GLI3: variants seen among roughly 807,000 people sequenced by gnomAD.
The protein encoded by GLI3 is transcription activator GLI3.
GLI3 carries 20 observed loss-of-function variants against 100.8 expected under a neutral mutation model. The ratio of observed to expected loss-of-function variants is 0.20; its 90% CI spans 0.14 to 0.29. The LOEUF (loss-of-function observed/expected upper bound fraction) is 0.29, where lower values mean the gene tolerates loss of function less well. GLI3 is among the 10% of genes least tolerant of loss of function. GLI3 has a pLI of 1.00. For missense variants in GLI3, 2,040 were observed against 2,128.5 expected, an observed-to-expected ratio of 0.96 and a Z score of 0.82; for synonymous variants, 938 against 860.5, an observed-to-expected ratio of 1.09 and a Z score of -1.58.
chr7:42,172,595 G>C (rs41308335), intron 2 of GLI3: 1 of 703,034 alleles, frequency 1.4e-6, no homozygotes, highest in Admixed American at 2.0e-5. Context: ...GAGGATCTGT[G>C]GCTGAGTCGT....
intron 3 of GLI3, among the ~76,000 whole-genome samples, chr7:42,120,777 T>C (rs955733424): frequency 1.3e-5 from 2 of 152,242 alleles, no homozygotes; most frequent in Non-Finnish European, 2.9e-5. Context: ...TGTTCTGATT[T>C]AATCTTGTAA....
At chr7:41,984,466 C>T (rs920222482) in intron 10 of GLI3, among the ~76,000 whole-genome samples, 4 of 152,176 alleles carry the variant, frequency 2.6e-5, no homozygotes, top group African/African-American at 9.7e-5. Context: ...GTCCTCCCTT[C>T]TAAGTGACTT....
intron 2 of GLI3, among the ~76,000 whole-genome samples, chr7:42,162,287 G>A (rs190688841): frequency 1.1e-3 from 167 of 152,242 alleles, no homozygotes; most frequent in Non-Finnish European, 2.1e-3. Flanking sequence ...AAGAGGCTGC[G>A]ATCTCAACCC....
At chr7:42,137,655 C>T (rs571296118) in intron 3 of GLI3, among the ~76,000 whole-genome samples, 7 of 152,202 alleles carry the variant, frequency 4.6e-5, no homozygotes, top group Admixed American at 6.5e-5. Context: ...CTCAGAGCAC[C>T]ACCAGCTATA....
intron 2 of GLI3, among the ~76,000 whole-genome samples, chr7:42,174,052 T>C (rs747144816): frequency 2.6e-5 from 4 of 151,984 alleles, no homozygotes; most frequent in Admixed American, 6.6e-5. Flanking sequence ...TTTGATTTTC[T>C]AAAAAAAATT....
At chr7:42,023,197 C>T (rs1048137398) in intron 10 of GLI3, among the ~76,000 whole-genome samples, 1 of 152,188 alleles carries the variant, frequency 6.6e-6, no homozygotes, top group African/African-American at 2.4e-5. Context: ...ATCAAAGTCG[C>T]TAACTCAAAA....
At chr7:42,221,541 C>T (rs1268060103) in intron 2 of GLI3, among the ~76,000 whole-genome samples, 1 of 152,058 alleles carries the variant, frequency 6.6e-6, no homozygotes, top group Non-Finnish European at 1.5e-5. Context: ...TATCCTCACA[C>T]ACTCACACTC....
At position 42,234,004 on chromosome 7, in the gene GLI3, T is replaced by C. The variant is rs563361439; in HGVS notation, c.-43+2967A>G. Among the ~76,000 whole-genome samples, 6 of 152,304 alleles carry C rather than the reference T, an allele frequency of 3.9e-5. No individual in the cohort carries two copies. In the East Asian group the frequency reaches 9.6e-4, roughly 24 times the overall value. On this transcript the variant is annotated intron_variant, in intron 1 of 14. Coordinates refer to ENST00000395925, the MANE Select transcript of GLI3 (RefSeq NM_000168.6). ...AATCAGACCGACCTCAGAATATGAA[T>C]GCCAGCAAAACTAAAACCTCCTTCA...
intron 3 of GLI3, among the ~76,000 whole-genome samples, chr7:42,083,774 G>A (rs1785045689): frequency 6.6e-6 from 1 of 152,124 alleles, no homozygotes; most frequent in Non-Finnish European, 1.5e-5. Flanking sequence ...TTGTGTGACT[G>A]ACTTAATATA....
intron 3 of GLI3, among the ~76,000 whole-genome samples, chr7:42,084,938 G>GT (rs1785072472): frequency 1.1e-5 from 1 of 88,754 alleles, no homozygotes; most frequent in Admixed American, 1.8e-4. Context: ...TTTAGATTGA[G>GT]TCTCACTCTA....
intron 4 of GLI3, among the ~76,000 whole-genome samples, chr7:42,072,272 G>T (rs1368550021): frequency 1.3e-5 from 2 of 152,140 alleles, no homozygotes. Flanking sequence ...AAGACAGTTC[G>T]AAATTCAATT....
At chr7:42,182,344 T>A (rs1462213161) in intron 2 of GLI3, among the ~76,000 whole-genome samples, 1 of 152,026 alleles carries the variant, frequency 6.6e-6, no homozygotes, top group East Asian at 1.9e-4. Context: ...AAAATGGAAA[T>A]GAAAATGTAA....
rs3057240 is a variant in GLI3, at chr7:42,101,668, T to TTTTATTTATTTA, written c.368-24823_368-24812dup. On this transcript the variant is annotated intron_variant, in intron 3 of 14. Coordinates refer to ENST00000395925, the MANE Select transcript of GLI3 (RefSeq NM_000168.6). ...TGCTGAATTTCGTTTGCTAGTATCT[T>TTTTATTTATTTA]TTTATTTATTTATTTATTTATTTTA... Among the ~76,000 whole-genome samples, 776 of 148,050 alleles carry TTTTATTTATTTA rather than the reference T, an allele frequency of 5.2e-3. 4 individuals are homozygous for TTTTATTTATTTA. The highest frequency in any genetic ancestry group is 0.013 in the African/African-American group (514 of 40,008).
intron 2 of GLI3, among the ~76,000 whole-genome samples, chr7:42,169,349 A>T (rs1422583165): frequency 6.6e-6 from 1 of 152,244 alleles, no homozygotes; most frequent in Non-Finnish European, 1.5e-5. Flanking sequence ...GTGAAGAAGA[A>T]ATTTAAATGT....
At chr7:42,145,490 T>C (rs1379233166) in intron 3 of GLI3, 2 of 398,414 alleles carry the variant, frequency 5.0e-6, no homozygotes, top group Non-Finnish European at 8.8e-6. Flanking sequence ...GAAAAGATTA[T>C]GTTCAGAAGG....
chr7:42,217,103 A>G (rs971777188), intron 2 of GLI3, among the ~76,000 whole-genome samples: 3 of 152,190 alleles, frequency 2.0e-5, no homozygotes, highest in Admixed American at 6.5e-5. Flanking sequence ...GATTAGACAG[A>G]GGGTCATTTT....
chr7:42,084,901 CTTTTTTTTTTT>C (rs747166719), intron 3 of GLI3, among the ~76,000 whole-genome samples: 3 of 47,502 alleles, frequency 6.3e-5, no homozygotes, highest in African/African-American at 2.1e-4. Flanking sequence ...CATTTGGATT[CTTTTTTTTTTT>C]TTTTTTTTTT....
intron 2 of GLI3, among the ~76,000 whole-genome samples, chr7:42,202,955 T>C (rs1483450969): frequency 6.6e-6 from 1 of 152,174 alleles, no homozygotes; most frequent in East Asian, 1.9e-4. Context: ...ATATCAGCCT[T>C]CACAATCTCA....
chr7:42,228,177 G>T (rs1360226493), intron 1 of GLI3, among the ~76,000 whole-genome samples: 5 of 152,140 alleles, frequency 3.3e-5, no homozygotes, highest in South Asian at 2.1e-4. Flanking sequence ...TCAGCGCGGG[G>T]AAGTCCACGC....
Sources: gnomAD v4.1 joint callset for allele counts (sites outside exome capture counted in the v4.1 genomes callset) on GRCh38, gnomAD v4.1.1 for gene constraint, MANE v1.5 for transcripts, NCBI Gene and HGNC (gene_info 2026-07-23, HGNC 2026-07-21) for gene names.